TFAP4: variants seen among roughly 807,000 people sequenced by gnomAD.
TFAP4 encodes transcription factor AP-4.
A neutral mutation model predicts 40.4 loss-of-function variants in TFAP4; 7 were observed. The ratio of observed to expected loss-of-function variants is 0.17; its 90% CI spans 0.10 to 0.33. TFAP4 has a LOEUF of 0.33. Ranked by LOEUF, TFAP4 falls within the 10% of genes least tolerant of loss-of-function variation. The pLI, the probability that TFAP4 is intolerant of heterozygous loss-of-function variation, is 1.00. For missense variants in TFAP4, 374 were observed against 451.1 expected, an observed-to-expected ratio of 0.83 and a Z score of 1.55; for synonymous variants, 218 against 181.4, an observed-to-expected ratio of 1.20 and a Z score of -1.62.
rs1430397294 is a variant in TFAP4 at position 4,260,133 on chromosome 16, T to C, written c.779A>G (p.Asn260Ser). ...ATTTTGCCGGGATGTGGAAACAGAG[T>C]TGATGACCGAGGAGGGGCCCATGGT... ...VVTMGPSSVI[N>S]SVSTSRQNLD... Residue 260 changes from asparagine to serine, a missense_variant, in exon 6 of 7, where the codon AAC becomes AGC. Around this residue, in one of 6 missense-constraint regions of TFAP4, gnomAD observed 161 missense variants for 154.2 expected, o/e 1.04. Transcript: ENST00000204517. The C allele has an allele frequency of 1.9e-6, 3 of 1,609,104 alleles. No homozygotes were observed. The highest frequency in any genetic ancestry group is 1.7e-5 in the Admixed American group (1 of 59,384).
intron 1 of TFAP4, chr16:4,263,099 G>A (rs1323596386): frequency 4.3e-6 from 1 of 233,052 alleles, no homozygotes; most frequent in Admixed American, 5.2e-5. Context: ...TTGAGCCCAG[G>A]AGTTGGAGGC....
rs924761505 is a variant in TFAP4, at chr16:4,272,908, A to C, written c.-162T>G. 2.0e-4 allele frequency: 1 copy of C among 5,014 alleles called. No homozygotes were observed. Among genetic ancestry groups the C allele is most frequent in the African/African-American group, 1.6e-3 (1 of 628 alleles). The allele number at this position is 5,014 out of a possible 1,614,324, so 0.3% of individuals were successfully genotyped here. ...CGGCGAGGGGAGGGAGGCGGGCGGG[A>C]GGGGCGGGAGGGAGGTCTCTCCGGC... On this transcript the variant is annotated 5_prime_UTR_variant, in exon 1 of 7. Coordinates refer to ENST00000204517, the MANE Select transcript of TFAP4 (RefSeq NM_003223.3).
At chr16:4,263,330 C>G (rs1466186745) in intron 1 of TFAP4, 1 of 152,548 alleles carries the variant, frequency 6.6e-6, no homozygotes, top group African/African-American at 2.4e-5. Context: ...ACTAGCAGGC[C>G]CGGTGGGGCC....
chr16:4,261,850 G>A lies in TFAP4; in HGVS notation c.454C>T (p.Arg152Trp), dbSNP rs1417935627. Residue 152 changes from arginine to tryptophan, a missense_variant, in exon 4 of 7, where the codon CGG (arginine) becomes TGG (tryptophan). This residue lies in a region of TFAP4 where 161 missense variants were observed against 154.2 expected (regional missense o/e 1.04). Transcript: ENST00000204517. Reference protein sequence around the residue: ...IWEDEKAEDLRREMIELRQQL... With the variant: ...IWEDEKAEDLWREMIELRQQL... ...TGCCGCAGCTCAATCATCTCCCGCC[G>A]CAGGTCCTCCGCCTTCTCGTCCTCC... 3.1e-6 allele frequency: 5 copies of A among 1,613,208 alleles called. No homozygotes were observed. Among genetic ancestry groups the A allele is most frequent in the South Asian group, 1.1e-5 (1 of 90,902 alleles).
intron 3 of TFAP4, 156 bp downstream of exon 3, chr16:4,262,168 G>C: frequency 3.1e-6 from 3 of 977,512 alleles, no homozygotes; most frequent in South Asian, 1.5e-5. Flanking sequence ...GCACTTGACC[G>C]ATGGGGAAAC....
chr16:4,263,572 A>C (rs531313905), intron 1 of TFAP4: 1 of 152,524 alleles, frequency 6.6e-6, no homozygotes, highest in African/African-American at 2.4e-5. Context: ...ACTTCACAGA[A>C]GACAAGTACC....
chr16:4,261,681 A>G, intron 4 of TFAP4, 98 bp downstream of exon 4: 2 of 1,360,382 alleles, frequency 1.5e-6, no homozygotes, highest in Non-Finnish European at 1.9e-6. Context: ...GTGCTCCTGT[A>G]AATAGGGCTC....
At chr16:4,262,004 G>A in intron 3 of TFAP4, 55 bp from the exon 4 acceptor site, 1 of 1,515,164 alleles carries the variant, frequency 6.6e-7, no homozygotes, top group Non-Finnish European at 8.8e-7. Flanking sequence ...CCACCACGGA[G>A]ATTGGGGTTC....
In TFAP4 at chr16:4,260,007, T is replaced by C. The variant is rs3747568; in HGVS notation, c.822+83A>G. On this transcript the variant is annotated intron_variant, in intron 6 of 6. Transcript: ENST00000204517. ...CACAAGCACCATCTTCCTCCGCTTC[T>C]GCCCCTCTTTTCCAGTCTCCCCTAA... 316 of 1,467,326 alleles carry C rather than the reference T, an allele frequency of 2.2e-4. 1 individual carries two copies. The East Asian group carries it at 7.7e-3, about 36-fold the overall frequency. 90.9% of individuals were successfully genotyped at this position (1,467,326 alleles called of 1,614,324 possible).
chr16:4,258,374 G>C (rs1296723574), intron 6 of TFAP4, 125 bp from the exon 7 acceptor site: 1 of 941,094 alleles, frequency 1.1e-6, no homozygotes, highest in Non-Finnish European at 1.6e-6. Flanking sequence ...GCCTGGCAAA[G>C]CAGCAGGGGA....
chr16:4,270,256 T>C (rs1174384308), intron 1 of TFAP4, among the ~76,000 whole-genome samples: 1 of 152,214 alleles, frequency 6.6e-6, no homozygotes, highest in East Asian at 1.9e-4. Flanking sequence ...ACAGGTGCTC[T>C]GTTTCCCAGA....
At chr16:4,269,448 G>A (rs1179768858) in intron 1 of TFAP4, among the ~76,000 whole-genome samples, 1 of 138,444 alleles carries the variant, frequency 7.2e-6, no homozygotes, top group Non-Finnish European at 1.5e-5. Flanking sequence ...AGCCGAGATT[G>A]CACCACTGCA....
At chr16:4,268,576 TA>T (rs1271905990) in intron 1 of TFAP4, among the ~76,000 whole-genome samples, 2 of 152,222 alleles carry the variant, frequency 1.3e-5, no homozygotes, top group African/African-American at 2.4e-5. Context: ...TAAGTTTTAT[TA>T]TTTTTTTAAT....
Position 4,258,054 on chromosome 16 carries a change from G to C in TFAP4, c.*1C>G. 6.2e-7 allele frequency: 1 copy of C among 1,609,892 alleles called. No homozygotes were observed. The highest frequency in any genetic ancestry group is 8.5e-7 in the Non-Finnish European group (1 of 1,179,250). On this transcript the variant is annotated 3_prime_UTR_variant, in exon 7 of 7. Transcript: ENST00000204517. ...AAGGGAGAGGAGGGCTGGGGGGGTAGTCAGGGAAGCTCCCCGTCCCCCGAC... is the reference window on the plus strand; with the variant it reads ...AAGGGAGAGGAGGGCTGGGGGGGTACTCAGGGAAGCTCCCCGTCCCCCGAC...
Position 4,257,868 on chromosome 16 carries a change from C to A in TFAP4, c.*187G>T, listed in dbSNP as rs1468822153. ...TCCCACACGCTCTGCGACACCCCAG[C>A]CCCGGGACCTCGGGTTGAGTGGCTT... On this transcript the variant is annotated 3_prime_UTR_variant, in exon 7 of 7. Coordinates refer to ENST00000204517, the MANE Select transcript of TFAP4 (RefSeq NM_003223.3). 4 of 633,590 alleles carry A rather than the reference C, an allele frequency of 6.3e-6. No homozygotes were observed. The highest frequency in any genetic ancestry group is 6.4e-5 in the Admixed American group (2 of 31,466). 39.2% of individuals were successfully genotyped at this position (633,590 alleles called of 1,614,324 possible).
chr16:4,262,780 C>A, intron 1 of TFAP4, 79 bp from the exon 2 acceptor site: 1 of 1,493,242 alleles, frequency 6.7e-7, no homozygotes, highest in Non-Finnish European at 9.1e-7. Context: ...GTGGAAACTG[C>A]ATCCCTCCCC....
chr16:4,260,628 G>T, intron 4 of TFAP4, 33 bp from the exon 5 acceptor site: 1 of 1,557,852 alleles, frequency 6.4e-7, no homozygotes, highest in Admixed American at 1.9e-5. Flanking sequence ...TCAGGGCCAA[G>T]GCCGGGAGCA....
chr16:4,262,126 G>T, intron 3 of TFAP4, 177 bp from the exon 4 acceptor site: 1 of 883,390 alleles, frequency 1.1e-6, no homozygotes, highest in Non-Finnish European at 1.7e-6. Context: ...TTACATAACA[G>T]TCACCTGGCT....
chr16:4,269,663 A>T (rs1246896014), intron 1 of TFAP4, among the ~76,000 whole-genome samples: 1 of 151,538 alleles, frequency 6.6e-6, no homozygotes, highest in Non-Finnish European at 1.5e-5. Context: ...TACAAAAATT[A>T]GCCGGCCATG....
Sources: gnomAD v4.1 joint callset for allele counts (sites outside exome capture counted in the v4.1 genomes callset) on GRCh38, gnomAD v4.1.1 for gene constraint, gnomAD v4.1.1 regional missense constraint, MANE v1.5 for transcripts, NCBI Gene and HGNC (gene_info 2026-07-23, HGNC 2026-07-21) for gene names.